The following ZSCAN21 variants were observed in gnomAD, a reference collection of about 807,000 sequenced individuals.
ZSCAN21 encodes zinc finger and SCAN domain containing 21, also known as zinc finger and SCAN domain-containing protein 21.
Under a neutral mutation model 35.6 loss-of-function variants are expected in ZSCAN21, and 26 were observed. That is an observed-to-expected ratio of 0.73 (90% CI 0.54 to 1.01). The LOEUF (loss-of-function observed/expected upper bound fraction) is 1.01, where lower values mean the gene tolerates loss of function less well. Among genes scored for constraint, ZSCAN21 ranks in the 50% least tolerant of loss-of-function variants. ZSCAN21 has a pLI of 0.00. For missense variants in ZSCAN21, 593 were observed against 587.1 expected (o/e 1.01, Z -0.10); for synonymous variants, 219 against 219.3 (o/e 1.00, Z 0.01).
intron 3 of ZSCAN21, among the ~76,000 whole-genome samples, chr7:100,061,492 C>T (rs1584379625): frequency 6.6e-6 from 1 of 152,224 alleles, no homozygotes; most frequent in African/African-American, 2.4e-5. Context: ...ACTGTACTCC[C>T]ACCTGGGCAA....
In ZSCAN21 at chr7:100,057,212, T is replaced by C; in HGVS notation, c.206T>C (p.Leu69Pro). 1.9e-6 allele frequency: 3 copies of C among 1,612,902 alleles called. No homozygotes were observed. The highest frequency in any genetic ancestry group is 1.7e-6 in the Non-Finnish European group (2 of 1,179,590). The change falls in exon 2 of 4, where the codon CTC becomes CCC. Residue 69 changes from leucine to proline, a missense_variant. Coordinates refer to ENST00000292450, the MANE Select transcript of ZSCAN21 (RefSeq NM_145914.3). ...PREALSQLRV[L>P]CCEWLRPEIH... ...GAGGCCCTGAGCCAACTCCGGGTGC[T>C]CTGCTGTGAGTGGCTGAGGCCCGAG... is the stretch of plus-strand genomic sequence containing the variant.
Position 100,064,187 on chromosome 7 carries a change from G to C in ZSCAN21, c.992G>C (p.Arg331Pro). 1.2e-6 allele frequency: 2 copies of C among 1,614,026 alleles called. No homozygotes were observed. The highest frequency in any genetic ancestry group is 1.7e-6 in the Non-Finnish European group (2 of 1,180,012). ...TLHYRTHLVD[R>P]PYDCKCGKAF... ...CACTACAGAACACACTTGGTGGACCGGCCCTATGACTGTAAGTGTGGAAAA... is the reference window on the plus strand; with the variant it reads ...CACTACAGAACACACTTGGTGGACCCGCCCTATGACTGTAAGTGTGGAAAA... The change falls in exon 4 of 4, where the codon CGG (arginine) becomes CCG (proline). Residue 331 changes from arginine (R) to proline (P), a missense_variant. Physicochemically the swap from Arg to Pro is moderately radical, Grantham distance 103. Coordinates refer to ENST00000292450, the MANE Select transcript of ZSCAN21 (RefSeq NM_145914.3).
intron 3 of ZSCAN21, among the ~76,000 whole-genome samples, chr7:100,061,182 T>C (rs957743469): frequency 3.0e-4 from 46 of 152,192 alleles, no homozygotes; most frequent in Admixed American, 3.0e-3. Context: ...TAAATAGTCC[T>C]GGTAAATTCT....
chr7:100,063,961 G>A lies in ZSCAN21; in HGVS notation c.766G>A (p.Glu256Lys), dbSNP rs1437108478. Residue 256 changes from glutamate (E) to lysine (K), a missense_variant, in exon 4 of 4, where the codon GAG (glutamate) becomes AAG (lysine). By Grantham distance (56) the Glu-to-Lys change is moderately conservative. Transcript: ENST00000292450. ...AAAAGGAACAAAACCCCCTCTTCAA[G>A]AGGCAGGCTCCAAGAAAGGTAGAGA... ...NEKGTKPPLQ[E>K]AGSKKGRESV... 2.5e-6 allele frequency: 4 copies of A among 1,614,048 alleles called. No homozygotes were observed. Among genetic ancestry groups the A allele is most frequent in the African/African-American group, 2.7e-5 (2 of 74,930 alleles).
At chr7:100,052,454 A>C (rs1402800905) in intron 1 of ZSCAN21, among the ~76,000 whole-genome samples, 1 of 152,070 alleles carries the variant, frequency 6.6e-6, no homozygotes, top group African/African-American at 2.4e-5. Context: ...TTAAATTAAA[A>C]AAAAAAAGTG....
chr7:100,051,052 G>A (rs939497321), intron 1 of ZSCAN21, among the ~76,000 whole-genome samples: 8 of 150,460 alleles, frequency 5.3e-5, no homozygotes, highest in African/African-American at 7.3e-5. Flanking sequence ...TTAGGCGGGC[G>A]TGGTGGCACA....
At chr7:100,052,192 C>A (rs751459995) in intron 1 of ZSCAN21, among the ~76,000 whole-genome samples, 1 of 151,904 alleles carries the variant, frequency 6.6e-6, no homozygotes, top group African/African-American at 2.4e-5. Context: ...AGGAGTTCAA[C>A]GCTGCAGTGA....
rs772429829 is a variant in ZSCAN21 at position 100,057,844 on chromosome 7, G to A, written c.546G>A (p.Glu182=). Residue 182 remains glutamate, a synonymous_variant, in exon 3 of 4, where the codon GAG becomes GAA. Coordinates refer to ENST00000292450, the MANE Select transcript of ZSCAN21 (RefSeq NM_145914.3). ...YESWGPLYIQ[E]SGEEQEFAQD... Reference sequence around the variant, plus strand: ...CTTGGGGGCCCCTGTACATCCAAGAGTCTGGTGAGGAGCAGGAGTTCGCTC... The same window carrying A: ...CTTGGGGGCCCCTGTACATCCAAGAATCTGGTGAGGAGCAGGAGTTCGCTC... 1.2e-6 allele frequency: 2 copies of A among 1,613,642 alleles called. No individual in the cohort carries two copies. The highest frequency in any genetic ancestry group is 1.7e-6 in the Non-Finnish European group (2 of 1,179,790).
intron 3 of ZSCAN21, among the ~76,000 whole-genome samples, chr7:100,061,562 A>G (rs1397722553): frequency 2.6e-5 from 4 of 152,208 alleles, no homozygotes; most frequent in African/African-American, 7.2e-5. Flanking sequence ...TGTCCCACAC[A>G]TGTAGTCCAT....
chr7:100,053,552 T>A (rs1325407191), intron 1 of ZSCAN21, among the ~76,000 whole-genome samples: 2 of 148,156 alleles, frequency 1.3e-5, no homozygotes, highest in Non-Finnish European at 3.0e-5. Context: ...CATAATTTTT[T>A]TTTTTTTTTT....
chr7:100,050,164 G>A (rs1791807144), intron 1 of ZSCAN21, among the ~76,000 whole-genome samples: 1 of 152,114 alleles, frequency 6.6e-6, no homozygotes, highest in Non-Finnish European at 1.5e-5. Context: ...TCTGACCGTG[G>A]CCGCCTTTTT....
At chr7:100,053,125 CAAAAA>C (rs1026582023) in intron 1 of ZSCAN21, among the ~76,000 whole-genome samples, 1 of 75,778 alleles carries the variant, frequency 1.3e-5, no homozygotes. Context: ...GACTCCATCT[CAAAAA>C]AAAAAAAAAA....
intron 1 of ZSCAN21, among the ~76,000 whole-genome samples, chr7:100,051,097 G>A (rs1791845110): frequency 7.0e-6 from 1 of 141,898 alleles, no homozygotes; most frequent in Non-Finnish European, 1.5e-5. Context: ...AGAATCGCTT[G>A]AACCTGGGAG....
At chr7:100,051,178 CAAAAAAAAAAAAA>C (rs369246193) in intron 1 of ZSCAN21, among the ~76,000 whole-genome samples, 6 of 41,384 alleles carry the variant, frequency 1.4e-4, no homozygotes, top group African/African-American at 6.8e-4. Context: ...AACTACGTCT[CAAAAAAAAAAAAA>C]AAAAAAAAAA....
At position 100,064,397 on chromosome 7, in the gene ZSCAN21, C is replaced by A; in HGVS notation, c.1202C>A (p.Ala401Glu). The A allele has an allele frequency of 1.2e-6, 2 of 1,606,274 alleles. No homozygotes were observed. Among genetic ancestry groups the A allele is most frequent in the Non-Finnish European group, 1.7e-6 (2 of 1,176,770 alleles). ...TGTGGGAAGAGCTTCAGTCAGCATG[C>A]GGGCCTCAGCTCCCACCAGAGACTC... Reference protein sequence around the residue: ...NECGKSFSQHAGLSSHQRLHT... With the variant: ...NECGKSFSQHEGLSSHQRLHT... Residue 401 changes from alanine to glutamate, a missense_variant, in exon 4 of 4, where the codon GCG becomes GAG. Physicochemically the swap from Ala to Glu is moderately radical, Grantham distance 107. Transcript: ENST00000292450.
chr7:100,059,549 GT>G (rs1296256276), intron 3 of ZSCAN21, among the ~76,000 whole-genome samples: 3 of 123,074 alleles, frequency 2.4e-5, no homozygotes, highest in African/African-American at 9.1e-5. Flanking sequence ...TTTGCATAAA[GT>G]CTTTTTTTTT....
At chr7:100,063,594 CA>C (rs138796923) in intron 3 of ZSCAN21, among the ~76,000 whole-genome samples, 193 bp from the exon 4 acceptor site, 41 of 142,122 alleles carry the variant, frequency 2.9e-4, no homozygotes, top group Middle Eastern at 3.5e-3. Context: ...GACTCCATCT[CA>C]AAAAAAAAAA....
In ZSCAN21 at chr7:100,057,363, C is replaced by G; in HGVS notation, c.357C>G (p.Leu119=). The change falls in exon 2 of 4, where the codon CTC becomes CTG. Residue 119 remains leucine (L), a synonymous_variant. Coordinates refer to ENST00000292450, the MANE Select transcript of ZSCAN21 (RefSeq NM_145914.3). ...CPESAEEAVT[L]LEDLERELDE... is the part of the protein sequence containing the mutation. ...AGAGCGCTGAAGAGGCTGTCACTCT[C>G]CTCGAAGATCTGGAGCGGGAACTGG... 1 of 1,577,894 alleles carries G rather than the reference C, an allele frequency of 6.3e-7. No individual in the cohort carries two copies. Among genetic ancestry groups the G allele is most frequent in the Non-Finnish European group, 8.6e-7 (1 of 1,163,098 alleles).
intron 3 of ZSCAN21, among the ~76,000 whole-genome samples, chr7:100,062,836 T>C (rs1036257723): frequency 4.6e-5 from 7 of 152,136 alleles, no homozygotes; most frequent in South Asian, 2.1e-4. Flanking sequence ...ATGATACCAC[T>C]GCACTCCAGC....
Sources: allele counts gnomAD v4.1 joint callset (sites outside exome capture counted in the v4.1 genomes callset), GRCh38; gene constraint gnomAD v4.1.1; transcripts MANE v1.5; gene names NCBI Gene and HGNC (gene_info 2026-07-23, HGNC 2026-07-21).